Variants in BAIAP2L1 observed in about 807,000 individuals in gnomAD.
BAIAP2L1 encodes the protein BAR/IMD domain-containing adapter protein 2-like 1.
In BAIAP2L1, 35 loss-of-function variants were observed where a neutral mutation model predicts 66.3. The ratio of observed to expected loss-of-function variants is 0.53; its 90% CI spans 0.40 to 0.70. The LOEUF (loss-of-function observed/expected upper bound fraction) is 0.70. Among genes scored for constraint, BAIAP2L1 ranks in the 30% least tolerant of loss-of-function variants. The pLI is 0.00. For synonymous variants in BAIAP2L1, 269 were observed against 248.7 expected, an observed-to-expected ratio of 1.08 and a Z score of -0.77; for missense variants, 622 against 656.9, an observed-to-expected ratio of 0.95 and a Z score of 0.58.
In BAIAP2L1 at chr7:98,334,533, C is replaced by T. The variant is rs972991630; in HGVS notation, c.215-14235G>A. On this transcript the variant is annotated intron_variant, in intron 3 of 13. Transcript: ENST00000005260. ...ATCTGCAGCCTGGCACACAAAATAA[C>T]GAGGCTCATTAAGGGGTTTTTGTTT... Among the ~76,000 whole-genome samples the T allele has an allele frequency of 5.9e-5, 9 of 152,082 alleles. No homozygotes were observed. In the East Asian group the frequency reaches 1.2e-3, roughly 20 times the overall value.
chr7:98,397,774 A>G (rs1000544282), intron 1 of BAIAP2L1, among the ~76,000 whole-genome samples: 66 of 152,204 alleles, frequency 4.3e-4, no homozygotes, highest in African/African-American at 1.5e-3. Context: ...AATTATGGGC[A>G]TGCTATAAAG....
At chr7:98,345,632 C>T (rs891108238) in intron 3 of BAIAP2L1, among the ~76,000 whole-genome samples, 2 of 151,684 alleles carry the variant, frequency 1.3e-5, no homozygotes, top group African/African-American at 4.8e-5. Flanking sequence ...GGCTGAGGGA[C>T]GAGAATCGCT....
intron 2 of BAIAP2L1, among the ~76,000 whole-genome samples, chr7:98,360,095 G>A (rs967235959): frequency 1.3e-5 from 2 of 151,780 alleles, no homozygotes; most frequent in Non-Finnish European, 2.9e-5. Context: ...GCTAAATTTT[G>A]TATTTTTAGT....
intron 1 of BAIAP2L1, among the ~76,000 whole-genome samples, chr7:98,394,529 A>T (rs915550904): frequency 5.9e-5 from 9 of 152,072 alleles, no homozygotes; most frequent in African/African-American, 1.4e-4. Context: ...TTACTTTAAA[A>T]TTTTTTTGCA....
At chr7:98,353,910 C>T (rs1237042311) in intron 3 of BAIAP2L1, among the ~76,000 whole-genome samples, 2 of 149,664 alleles carry the variant, frequency 1.3e-5, no homozygotes, top group Non-Finnish European at 3.0e-5. Flanking sequence ...TGCAGTGAGC[C>T]GAGATCGTGC....
rs1491299163 is a variant in BAIAP2L1 at position 98,393,147 on chromosome 7, A to ATATATGTACACATATG, written c.51+7654_51+7655insCATATGTGTACATATA. Among the ~76,000 whole-genome samples the ATATATGTACACATATG allele has an allele frequency of 3.7e-4, 51 of 136,568 alleles. 3 individuals are homozygous for ATATATGTACACATATG. Among genetic ancestry groups the ATATATGTACACATATG allele is most frequent in the African/African-American group, 1.2e-3 (44 of 37,618 alleles). 89.6% of individuals were successfully genotyped at this position (136,568 alleles called of 152,430 possible). Reference sequence around the variant, plus strand: ...TGTATATATACACACATATGTGTACATATATATGTACACATATATGTATAT... The same window carrying ATATATGTACACATATG: ...TGTATATATACACACATATGTGTACATATATGTACACATATGTATATATGTACACATATATGTATAT... On this transcript the variant is annotated intron_variant, in intron 1 of 13. Coordinates refer to ENST00000005260, the MANE Select transcript of BAIAP2L1 (RefSeq NM_018842.5).
At chr7:98,313,675 C>A (rs1297657921) in intron 7 of BAIAP2L1, among the ~76,000 whole-genome samples, 2 of 152,050 alleles carry the variant, frequency 1.3e-5, no homozygotes, top group African/African-American at 4.8e-5. Context: ...CTGGAGTGCA[C>A]TGGCACAATC....
chr7:98,357,049 A>ATATATATT (rs1406909573), intron 2 of BAIAP2L1, among the ~76,000 whole-genome samples: 1 of 12,616 alleles, frequency 7.9e-5, no homozygotes, highest in Non-Finnish European at 1.3e-4. Flanking sequence ...ATATATATAT[A>ATATATATT]TTTTTTTTTT....
intron 11 of BAIAP2L1, among the ~76,000 whole-genome samples, 186 bp downstream of exon 11, chr7:98,306,253 C>T (rs1800652018): frequency 6.6e-6 from 1 of 152,082 alleles, no homozygotes; most frequent in South Asian, 2.1e-4. Context: ...CTCCTCACAG[C>T]AGCAAAGCTC....
intron 12 of BAIAP2L1, among the ~76,000 whole-genome samples, chr7:98,296,749 CCTT>C (rs1198764606): frequency 3.3e-5 from 5 of 152,248 alleles, no homozygotes; most frequent in African/African-American, 4.8e-5. Context: ...CCCCAGCACT[CCTT>C]CTGGATACAA....
chr7:98,307,534 G>C, intron 10 of BAIAP2L1, 155 bp downstream of exon 10: 1 of 1,455,958 alleles, frequency 6.9e-7, no homozygotes, highest in Non-Finnish European at 9.0e-7. Context: ...AAATAGCCTG[G>C]GATCGAATAA....
Position 98,307,781 on chromosome 7 carries a change from G to C in BAIAP2L1, c.1071C>G (p.Thr357=), listed in dbSNP as rs770317275. Residue 357 remains threonine, a synonymous_variant, in exon 10 of 14, where the codon ACC becomes ACG. Coordinates refer to ENST00000005260, the MANE Select transcript of BAIAP2L1 (RefSeq NM_018842.5). The stretch of plus-strand genomic sequence containing the variant: ...CATCTCCCTGTGCAAAGCTGAGTAA[G>C]GTCTTGTTGGAGCCCGCAGTGTGCG... ...IFPHTAGSNK[T]LLSFAQGDVI... 1.2e-6 allele frequency: 2 copies of C among 1,614,244 alleles called. No individual in the cohort carries two copies. Among genetic ancestry groups the C allele is most frequent in the South Asian group, 2.2e-5 (2 of 91,082 alleles).
Position 98,359,513 on chromosome 7 carries a change from C to T in BAIAP2L1, c.127+2844G>A, listed in dbSNP as rs894931380. Reference sequence around the variant, plus strand: ...GTCTCAATCTCTTGACCTCGTGATCCGCCCGCTTCGGCCTCCCAGTGTGCT... The same window carrying T: ...GTCTCAATCTCTTGACCTCGTGATCTGCCCGCTTCGGCCTCCCAGTGTGCT... On this transcript the variant is annotated intron_variant, in intron 2 of 13. Transcript: ENST00000005260. Among the ~76,000 whole-genome samples the T allele has an allele frequency of 2.6e-5, 4 of 152,126 alleles. No homozygotes were observed. In the South Asian group the frequency reaches 6.2e-4, roughly 24 times the overall value.
intron 12 of BAIAP2L1, among the ~76,000 whole-genome samples, chr7:98,297,245 C>T (rs1200005479): frequency 2.0e-5 from 3 of 152,228 alleles, no homozygotes; most frequent in South Asian, 2.1e-4. Context: ...ACTGGCTGAC[C>T]ACCCATCACT....
At chr7:98,309,100 T>A (rs1281251378) in intron 9 of BAIAP2L1, 1 of 152,030 alleles carries the variant, frequency 6.6e-6, no homozygotes, top group Non-Finnish European at 1.5e-5. Flanking sequence ...AACATAAACC[T>A]GCGCCCCCTT....
rs1355540965 is a variant in BAIAP2L1 at position 98,386,050 on chromosome 7, T to C, written c.51+14752A>G. ...CAATTTATTGACCACTTCTTTCAAGTCATTTGTCTGCACCTCTCGGGTCAT... is the reference window on the plus strand; with the variant it reads ...CAATTTATTGACCACTTCTTTCAAGCCATTTGTCTGCACCTCTCGGGTCAT... On this transcript the variant is annotated intron_variant, in intron 1 of 13. Coordinates refer to ENST00000005260, the MANE Select transcript of BAIAP2L1 (RefSeq NM_018842.5). The C allele has an allele frequency of 1.2e-5, 17 of 1,456,536 alleles. No homozygotes were observed. In the Admixed American group the frequency reaches 2.8e-4, roughly 24 times the overall value. 90.2% of individuals were successfully genotyped at this position (1,456,536 alleles called of 1,614,324 possible).
chr7:98,354,934 T>C, intron 3 of BAIAP2L1, 108 bp downstream of exon 3: 1 of 810,486 alleles, frequency 1.2e-6, no homozygotes, highest in Non-Finnish European at 2.1e-6. Flanking sequence ...AACCACAGCA[T>C]GCTGGCCCAG....
chr7:98,386,628 A>G (rs2115825038), intron 1 of BAIAP2L1: 2 of 1,425,416 alleles, frequency 1.4e-6, no homozygotes, highest in Non-Finnish European at 1.9e-6. Context: ...CATTTCTACA[A>G]TGTTCTTTCC....
intron 12 of BAIAP2L1, among the ~76,000 whole-genome samples, chr7:98,294,713 C>G (rs1216546959): frequency 6.6e-6 from 1 of 152,176 alleles, no homozygotes; most frequent in Non-Finnish European, 1.5e-5. Flanking sequence ...GGAGCTGACT[C>G]CTGAAGCATG....
Sources: allele counts gnomAD v4.1 joint callset (sites outside exome capture counted in the v4.1 genomes callset), GRCh38; gene constraint gnomAD v4.1.1; transcripts MANE v1.5; gene names NCBI Gene and HGNC (gene_info 2026-07-23, HGNC 2026-07-21).